Variants in BRI3BP observed in about 807,000 individuals in gnomAD.
BRI3BP encodes BRI3-binding protein.
BRI3BP carries 7 observed loss-of-function variants against 15.8 expected under a neutral mutation model. The ratio of observed to expected loss-of-function variants is 0.44; its 90% CI spans 0.25 to 0.83. The LOEUF is 0.83. Ranked by LOEUF, BRI3BP falls within the 40% of genes least tolerant of loss-of-function variation. The pLI is 0.20. For missense variants in BRI3BP, 320 were observed against 339.3 expected (o/e 0.94, Z 0.45); for synonymous variants, 192 against 163.5 (o/e 1.17, Z -1.33).
At chr12:125,043,286 C>T in the BRI3BP span, among the ~76,000 whole-genome samples, 1 of 152,140 alleles carries the variant, frequency 6.6e-6, no homozygotes, top group Non-Finnish European at 1.5e-5. Flanking sequence ...CGTGCAGGCT[C>T]ATGTAGTGAT....
the BRI3BP span, among the ~76,000 whole-genome samples, chr12:125,044,130 CT>C: frequency 3.3e-5 from 5 of 151,060 alleles, no homozygotes; most frequent in African/African-American, 9.7e-5. Flanking sequence ...GAGATAGGGT[CT>C]TTTTTGTTTT....
At chr12:124,999,552 T>C (rs1436227491) in intron 1 of BRI3BP, among the ~76,000 whole-genome samples, 2 of 152,052 alleles carry the variant, frequency 1.3e-5, no homozygotes, top group Admixed American at 6.6e-5. Context: ...GCCTCTCAAG[T>C]AGCTGGGATT....
At chr12:125,001,386 C>T (rs1278316614) in intron 1 of BRI3BP, among the ~76,000 whole-genome samples, 1 of 148,656 alleles carries the variant, frequency 6.7e-6, no homozygotes, top group Non-Finnish European at 1.5e-5. Context: ...TTTAGACAAG[C>T]TCTCACTCTG....
intron 1 of BRI3BP, 47 bp downstream of exon 1, chr12:124,994,050 GCACC>G: frequency 8.4e-7 from 1 of 1,190,976 alleles, no homozygotes; most frequent in Non-Finnish European, 1.1e-6. Context: ...CGGTCGCCAC[GCACC>G]TGGCTACCGG....
In BRI3BP at chr12:125,014,228, C is replaced by T. The variant is rs1194492100; in HGVS notation, c.316+1592C>T. On this transcript the variant is annotated intron_variant, in intron 2 of 2. Coordinates refer to ENST00000341446, the MANE Select transcript of BRI3BP (RefSeq NM_080626.6). ...CTCCTTCTGTCCACAAGGTGGAGGC[C>T]GCTCTTCCCCTGGGCCTTTCCAGAG... Among the ~76,000 whole-genome samples the T allele has an allele frequency of 5.9e-5, 9 of 152,292 alleles. No individual in the cohort carries two copies. The South Asian group carries it at 8.3e-4, about 14-fold the overall frequency.
chr12:125,039,490 C>G, the BRI3BP span, among the ~76,000 whole-genome samples: 3 of 152,134 alleles, frequency 2.0e-5, no homozygotes, highest in African/African-American at 7.2e-5. Context: ...TTAAACTATT[C>G]TTGCTACTCG....
rs752120918 is a variant in BRI3BP, at chr12:125,025,272, C to G, written c.598C>G (p.Pro200Ala). Reference sequence around the variant, plus strand: ...GGTGGCCGTCTACTTCATGACCGGGCCCATGGGCTTCTACTGGCGAAGCAG... The same window carrying G: ...GGTGGCCGTCTACTTCATGACCGGGGCCATGGGCTTCTACTGGCGAAGCAG... The part of the protein sequence containing the change: ...FVVAVYFMTG[P>A]MGFYWRSSPS... Residue 200 changes from proline (P) to alanine (A), a missense_variant, in exon 3 of 3, where the codon CCC (proline) becomes GCC (alanine). Pro to Ala is a conservative substitution (Grantham distance 27). Transcript: ENST00000341446. 3.7e-6 allele frequency: 6 copies of G among 1,614,114 alleles called. No individual in the cohort carries two copies. The highest frequency in any genetic ancestry group is 5.1e-6 in the Non-Finnish European group (6 of 1,180,032).
rs530563982 is a variant in BRI3BP, at chr12:125,020,967, CAGTT to C, written c.317-4021_317-4018del. Among the ~76,000 whole-genome samples the C allele has an allele frequency of 3.2e-4, 48 of 152,252 alleles. 1 individual carries two copies. Among genetic ancestry groups the C allele is most frequent in the African/African-American group, 1.1e-3 (47 of 41,554 alleles). ...TAATTTTCTGCTATGGAAAATATAT[CAGTT>C]AGGTAGAACCCACATAAACGAAAGC... On this transcript the variant is annotated intron_variant, in intron 2 of 2. Transcript: ENST00000341446.
chr12:125,012,432 A>G (rs1185453096), intron 1 of BRI3BP, 102 bp from the exon 2 acceptor site: 4 of 926,024 alleles, frequency 4.3e-6, no homozygotes, highest in African/African-American at 1.6e-5. Context: ...TGGGCTCACT[A>G]TTTTTCCCTT....
Position 125,029,660 on chromosome 12 carries a change from A to G in BRI3BP, c.*4230A>G, listed in dbSNP as rs1257796645. ...TGCTTTGGATTTCAGCCCCCATATCATTTCTGGTAACAGAGCACAGCAATA... is the reference window on the plus strand; with the variant it reads ...TGCTTTGGATTTCAGCCCCCATATCGTTTCTGGTAACAGAGCACAGCAATA... On this transcript the variant is annotated 3_prime_UTR_variant, in exon 3 of 3. Transcript: ENST00000341446. 6.6e-6 allele frequency: 1 copy of G among 151,648 alleles called. No homozygotes were observed. The allele number at this position is 151,648 out of a possible 1,614,324, so 9.4% of individuals were successfully genotyped here.
intron 1 of BRI3BP, among the ~76,000 whole-genome samples, chr12:125,000,261 A>G (rs1215470360): frequency 6.7e-6 from 1 of 149,764 alleles, no homozygotes; most frequent in Non-Finnish European, 1.5e-5. Context: ...ACCTTTTGAC[A>G]TACACACTTG....
At chr12:125,032,332 C>T (rs1459576814), downstream of BRI3BP, among the ~76,000 whole-genome samples, 1 of 152,154 alleles carries the variant, frequency 6.6e-6, no homozygotes, top group East Asian at 1.9e-4. Context: ...GTGGCAAGTG[C>T]TTGTAGTCTC....
At chr12:125,014,109 G>A (rs1227959545) in intron 2 of BRI3BP, among the ~76,000 whole-genome samples, 2 of 152,158 alleles carry the variant, frequency 1.3e-5, no homozygotes, top group African/African-American at 4.8e-5. Flanking sequence ...GGCATCCCAT[G>A]CTCTCAGGAT....
At chr12:125,003,251 C>T (rs190710453) in intron 1 of BRI3BP, among the ~76,000 whole-genome samples, 56 of 152,206 alleles carry the variant, frequency 3.7e-4, no homozygotes, top group African/African-American at 1.2e-3. Context: ...TGTCACCCAA[C>T]CCCGGTGTTG....
the BRI3BP span, among the ~76,000 whole-genome samples, chr12:125,043,190 G>T: frequency 7.7e-4 from 117 of 152,220 alleles, 1 homozygote; most frequent in African/African-American, 2.6e-3. Flanking sequence ...TGTTTTAGGT[G>T]GGCCTAAGTT....
At chr12:124,996,437 G>A (rs979688498) in intron 1 of BRI3BP, among the ~76,000 whole-genome samples, 1 of 151,984 alleles carries the variant, frequency 6.6e-6, no homozygotes, top group Non-Finnish European at 1.5e-5. Flanking sequence ...CTGAGTAGCC[G>A]GGATTACAAG....
chr12:125,022,018 T>A (rs1955303029), intron 2 of BRI3BP, among the ~76,000 whole-genome samples: 2 of 143,662 alleles, frequency 1.4e-5, no homozygotes, highest in African/African-American at 5.1e-5. Flanking sequence ...AGGTCAAGGC[T>A]GCAGTGAGCC....
the BRI3BP span, among the ~76,000 whole-genome samples, chr12:125,042,553 C>T: frequency 3.4e-5 from 5 of 146,762 alleles, no homozygotes; most frequent in African/African-American, 5.1e-5. Flanking sequence ...TTTTTTGAAA[C>T]GGAGTCTCAC....
At chr12:124,999,925 A>C (rs1428967637) in intron 1 of BRI3BP, among the ~76,000 whole-genome samples, 4 of 2,838 alleles carry the variant, frequency 1.4e-3, no homozygotes, top group Admixed American at 7.3e-3. Flanking sequence ...CAGCCTCATT[A>C]AACTTTTTGG....
Sources: allele counts gnomAD v4.1 joint callset (sites outside exome capture counted in the v4.1 genomes callset), GRCh38; gene constraint gnomAD v4.1.1; transcripts MANE v1.5; gene names NCBI Gene and HGNC (gene_info 2026-07-23, HGNC 2026-07-21).